The following ERC2 variants were observed in gnomAD, a reference collection of about 807,000 sequenced individuals.
The protein encoded by ERC2 is ELKS/RAB6-interacting/CAST family member 2, also known as ERC protein 2.
ERC2 carries 42 observed loss-of-function variants against 114.8 expected under a neutral mutation model. The ratio of observed to expected loss-of-function variants is 0.37; its 90% CI spans 0.29 to 0.47. ERC2 has a LOEUF of 0.47. Ranked by LOEUF, ERC2 falls within the 20% of genes least tolerant of loss-of-function variation. The pLI is 0.99. For synonymous variants in ERC2, 454 were observed against 425.5 expected, an observed-to-expected ratio of 1.07 and a Z score of -0.82; for missense variants, 939 against 1,150.7, an observed-to-expected ratio of 0.82 and a Z score of 2.66.
chr3:55,735,554 G>A (rs972016070), intron 14 of ERC2, among the ~76,000 whole-genome samples: 2 of 152,178 alleles, frequency 1.3e-5, no homozygotes, highest in East Asian at 3.9e-4. Flanking sequence ...CCTGAGACAA[G>A]ATAATTAGTC....
intron 17 of ERC2, among the ~76,000 whole-genome samples, chr3:55,664,462 G>GCAC (rs2061272304): frequency 6.6e-6 from 1 of 152,154 alleles, no homozygotes; most frequent in African/African-American, 2.4e-5. Flanking sequence ...GGCACAGAGG[G>GCAC]CACCCCCACT....
intron 4 of ERC2, among the ~76,000 whole-genome samples, chr3:56,172,027 T>C (rs956573644): frequency 7.3e-6 from 1 of 136,090 alleles, no homozygotes; most frequent in South Asian, 2.3e-4. Context: ...CTTTTCATTT[T>C]TCCTCTTTTT....
intron 3 of ERC2, among the ~76,000 whole-genome samples, chr3:56,232,258 C>T (rs991462843): frequency 4.0e-5 from 6 of 151,654 alleles, no homozygotes; most frequent in African/African-American, 1.5e-4. Context: ...TGTAAGCCAC[C>T]ATGCCTGGCC....
intron 15 of ERC2, among the ~76,000 whole-genome samples, chr3:55,700,251 A>T (rs1409214144): frequency 1.3e-5 from 2 of 152,196 alleles, no homozygotes; most frequent in African/African-American, 4.8e-5. Context: ...TGGACCAGTG[A>T]TGAGTTGGCC....
chr3:56,399,059 G>A (rs1268013160), intron 2 of ERC2, among the ~76,000 whole-genome samples: 1 of 152,174 alleles, frequency 6.6e-6, no homozygotes, highest in East Asian at 1.9e-4. Flanking sequence ...AAATGAGGTG[G>A]AGCCAACAAA....
chr3:56,172,563 C>T (rs2101321), intron 4 of ERC2, among the ~76,000 whole-genome samples: 139,157 of 152,204 alleles, frequency 0.91, 64,056 homozygotes, highest in East Asian at 1. Flanking sequence ...TGCAGGCCCA[C>T]GGTGACCAGC....
intron 7 of ERC2, among the ~76,000 whole-genome samples, chr3:56,062,337 A>C (rs1291691155): frequency 6.6e-6 from 1 of 152,200 alleles, no homozygotes; most frequent in African/African-American, 2.4e-5. Flanking sequence ...ATCTGGTGTG[A>C]ATTTTCTGTG....
intron 2 of ERC2, among the ~76,000 whole-genome samples, chr3:56,328,897 G>C (rs1423754414): frequency 6.6e-6 from 1 of 152,194 alleles, no homozygotes. Context: ...TTTGGTGTTT[G>C]GAAAAGTACA....
At chr3:56,085,859 A>T (rs2077472971) in intron 6 of ERC2, among the ~76,000 whole-genome samples, 1 of 152,142 alleles carries the variant, frequency 6.6e-6, no homozygotes, top group African/African-American at 2.4e-5. Context: ...GAGAAGAAAC[A>T]CATGACTGAG....
chr3:56,039,304 C>T (rs2074993081), intron 7 of ERC2, among the ~76,000 whole-genome samples: 1 of 152,100 alleles, frequency 6.6e-6, no homozygotes, highest in South Asian at 2.1e-4. Flanking sequence ...AGTAATGTTG[C>T]AGGATAGAAA....
At chr3:56,103,391 A>G (rs1005533458) in intron 6 of ERC2, among the ~76,000 whole-genome samples, 2 of 152,134 alleles carry the variant, frequency 1.3e-5, no homozygotes, top group African/African-American at 2.4e-5. Context: ...AGCACTCAGC[A>G]AGGATGTAAT....
intron 17 of ERC2, among the ~76,000 whole-genome samples, chr3:55,613,421 C>A (rs1233485343): frequency 6.6e-6 from 1 of 152,162 alleles, no homozygotes; most frequent in East Asian, 1.9e-4. Flanking sequence ...TCACAAACTC[C>A]TTTGGGAGAA....
chr3:55,956,877 C>T (rs1035179898), intron 12 of ERC2, among the ~76,000 whole-genome samples: 11 of 152,090 alleles, frequency 7.2e-5, no homozygotes, highest in Admixed American at 7.2e-4. Flanking sequence ...CTCTCCCTAC[C>T]GATGGTCCTT....
chr3:56,001,049 C>T (rs1289005024), intron 10 of ERC2, among the ~76,000 whole-genome samples: 2 of 149,458 alleles, frequency 1.3e-5, no homozygotes, highest in Non-Finnish European at 3.0e-5. Context: ...GAATAGAAAC[C>T]CAAATAAACA....
intron 14 of ERC2, among the ~76,000 whole-genome samples, chr3:55,774,218 G>T (rs888015811): frequency 6.6e-6 from 1 of 152,098 alleles, no homozygotes; most frequent in Non-Finnish European, 1.5e-5. Context: ...ATAGTTCTTA[G>T]TGGTCCAAGG....
intron 7 of ERC2, among the ~76,000 whole-genome samples, chr3:56,040,264 G>A (rs2075051411): frequency 6.6e-6 from 1 of 152,062 alleles, no homozygotes; most frequent in South Asian, 2.1e-4. Context: ...CAAGGAGAAA[G>A]ATAGCTTGTT....
At chr3:55,581,693 C>T (rs2107563410) in intron 17 of ERC2, among the ~76,000 whole-genome samples, 1 of 152,242 alleles carries the variant, frequency 6.6e-6, no homozygotes, top group Middle Eastern at 3.4e-3. Context: ...TTCAAATGTG[C>T]CACATGCTTT....
rs1322504430 is a variant in ERC2, at chr3:55,888,457, T to A, written c.2496A>T (p.Glu832Asp). The A allele has an allele frequency of 9.9e-6, 16 of 1,613,792 alleles. No individual in the cohort carries two copies. The highest frequency in any genetic ancestry group is 1.3e-5 in the African/African-American group (1 of 74,906). Residue 832 changes from glutamate to aspartate, a missense_variant, in exon 14 of 18, where the codon GAA (glutamate) becomes GAT (aspartate). Transcript: ENST00000288221. The part of the protein sequence containing the change: ...RLASTQQSLA[E>D]KEAHLANLRI... ...GGAGGTTGGCCAAGTGCGCTTCTTT[T>A]TCGGCCAGGGACTGTTGTGTGGAGG...
chr3:55,834,788 C>CA (rs1226965478), intron 14 of ERC2, among the ~76,000 whole-genome samples: 1 of 121,346 alleles, frequency 8.2e-6, no homozygotes, highest in Non-Finnish European at 1.6e-5. Flanking sequence ...AATAGAGACA[C>CA]AAAAAACCCT....
Sources: allele counts gnomAD v4.1 joint callset (sites outside exome capture counted in the v4.1 genomes callset), GRCh38; gene constraint gnomAD v4.1.1; transcripts MANE v1.5; gene names NCBI Gene and HGNC (gene_info 2026-07-23, HGNC 2026-07-21).